The following PELI2 variants were observed in gnomAD, a reference collection of about 807,000 sequenced individuals.
The protein encoded by PELI2 is pellino E3 ubiquitin protein ligase family member 2.
PELI2 carries 23 observed loss-of-function variants against 42.3 expected under a neutral mutation model. That is an observed-to-expected ratio of 0.54 (90% confidence interval 0.39 to 0.77). The LOEUF (loss-of-function observed/expected upper bound fraction) is 0.77, where lower values mean the gene tolerates loss of function less well. Among genes scored for constraint, PELI2 ranks in the 30% least tolerant of loss-of-function variants. The pLI, the probability that PELI2 is intolerant of heterozygous loss-of-function variation, is 0.00. For missense variants in PELI2, 463 were observed against 553.2 expected (o/e 0.84, Z 1.64); for synonymous variants, 245 against 212.2 (o/e 1.15, Z -1.34).
chr14:56,287,189 G>A (rs1889672694), intron 3 of PELI2, among the ~76,000 whole-genome samples: 1 of 152,222 alleles, frequency 6.6e-6, no homozygotes, highest in African/African-American at 2.4e-5. Flanking sequence ...GGTTTGGTGA[G>A]ATGACTGGGA....
chr14:56,227,268 G>A (rs1887390169), intron 2 of PELI2, among the ~76,000 whole-genome samples: 1 of 152,160 alleles, frequency 6.6e-6, no homozygotes, highest in African/African-American at 2.4e-5. Flanking sequence ...GGGATGAGAT[G>A]GGGGTGTGTG....
At chr14:56,198,442 C>T (rs1886218862) in intron 2 of PELI2, among the ~76,000 whole-genome samples, 1 of 152,104 alleles carries the variant, frequency 6.6e-6, no homozygotes, top group Admixed American at 6.5e-5. Flanking sequence ...GAGGAGTGTG[C>T]CTAAGGCAGA....
At chr14:56,229,778 C>T (rs753372227) in intron 2 of PELI2, among the ~76,000 whole-genome samples, 4 of 152,124 alleles carry the variant, frequency 2.6e-5, no homozygotes, top group Non-Finnish European at 4.4e-5. Context: ...GGGCTTCAGA[C>T]GATCGGTAAT....
chr14:56,208,823 T>C (rs1001714033), intron 2 of PELI2, among the ~76,000 whole-genome samples: 3 of 152,218 alleles, frequency 2.0e-5, no homozygotes, highest in Non-Finnish European at 4.4e-5. Flanking sequence ...TAGAAAACCA[T>C]TTTTACCTAA....
intron 2 of PELI2, among the ~76,000 whole-genome samples, chr14:56,262,833 C>G (rs868771335): frequency 6.6e-6 from 1 of 152,162 alleles, no homozygotes. Context: ...ATCATATTCT[C>G]TACCAAATAC....
rs117068646 is a variant in PELI2, at chr14:56,288,107, G to A, written c.310-330G>A. On this transcript the variant is annotated intron_variant, in intron 3 of 5. Transcript: ENST00000267460. This position sits in a 1 kb window ranked among gnomAD's most constrained non-coding sequence, Gnocchi z 4.6. ...TGGCATAAAGTGAGTTAAGCAAGAT[G>A]AGTAAGTTCTAGAGAGTTGCTGTGC... Among the ~76,000 whole-genome samples the A allele has an allele frequency of 0.027, 4,146 of 152,304 alleles. 102 individuals carry two copies. Among genetic ancestry groups the A allele is most frequent in the Non-Finnish European group, 0.043 (2,914 of 68,026 alleles).
chr14:56,255,718 A>G (rs1888505105), intron 2 of PELI2, among the ~76,000 whole-genome samples: 1 of 152,174 alleles, frequency 6.6e-6, no homozygotes, highest in South Asian at 2.1e-4. Context: ...TGATGTACGT[A>G]GGGCCCACAG....
chr14:56,123,188 T>A (rs917355104), intron 1 of PELI2, among the ~76,000 whole-genome samples: 2 of 152,058 alleles, frequency 1.3e-5, no homozygotes, highest in Non-Finnish European at 2.9e-5. Flanking sequence ...TTTTTTTTTT[T>A]TTTAAAAGCA....
chr14:56,198,804 G>T (rs1886231468), intron 2 of PELI2, among the ~76,000 whole-genome samples: 1 of 151,784 alleles, frequency 6.6e-6, no homozygotes, highest in Non-Finnish European at 1.5e-5. Flanking sequence ...GTAGAGAGAG[G>T]GTATAAATGG....
At position 56,178,720 on chromosome 14, in the gene PELI2, C is replaced by T. The variant is rs376658000; in HGVS notation, c.207+256C>T. Among the ~76,000 whole-genome samples the T allele has an allele frequency of 1.4e-4, 21 of 152,324 alleles. 1 individual carries two copies. The highest frequency in any genetic ancestry group is 8.5e-4 in the Admixed American group (13 of 15,300). On this transcript the variant is annotated intron_variant, in intron 2 of 5. Transcript: ENST00000267460. The stretch of plus-strand genomic sequence containing the variant: ...CACAGTTGTTAATCACTAAAAATGT[C>T]TCAAGACATTGCAGCCCGTCTCCTG...
At chr14:56,135,310 A>C (rs1217821531) in intron 1 of PELI2, among the ~76,000 whole-genome samples, 1 of 152,176 alleles carries the variant, frequency 6.6e-6, no homozygotes, top group Non-Finnish European at 1.5e-5. Context: ...TGGCTTAATG[A>C]ATTTGTTCAT....
intron 2 of PELI2, among the ~76,000 whole-genome samples, chr14:56,183,565 G>T (rs956242460): frequency 6.6e-6 from 1 of 152,156 alleles, no homozygotes; most frequent in African/African-American, 2.4e-5. Flanking sequence ...TGGGTTTATG[G>T]TCCTGATCGT....
chr14:56,271,096 A>C (rs1477654851), intron 2 of PELI2, among the ~76,000 whole-genome samples: 13 of 152,136 alleles, frequency 8.5e-5, no homozygotes, highest in Admixed American at 5.2e-4. Context: ...GCCTCACGGG[A>C]TAATTAGTAC....
intron 2 of PELI2, among the ~76,000 whole-genome samples, chr14:56,247,850 C>T (rs1160209423): frequency 6.6e-6 from 1 of 152,114 alleles, no homozygotes; most frequent in African/African-American, 2.4e-5. Flanking sequence ...AGAAAGTAGT[C>T]ATTTAGTGAG....
intron 2 of PELI2, among the ~76,000 whole-genome samples, chr14:56,194,613 A>G (rs1246554661): frequency 6.6e-6 from 1 of 152,188 alleles, no homozygotes; most frequent in African/African-American, 2.4e-5. Context: ...TTTGAAGGTA[A>G]TGTGGAACCC....
chr14:56,296,816 A>C lies in PELI2; in HGVS notation c.913A>C (p.Lys305Gln), dbSNP rs747949932. The change falls in exon 6 of 6, where the codon AAG (lysine) becomes CAG (glutamine). Residue 305 changes from lysine to glutamine, a missense_variant. Transcript: ENST00000267460. ...CAACAGGAAAGAGGTGGTGGAGGAGAAGCAGCCCTGGGCATATCTCAGTTG... is the reference window on the plus strand; with the variant it reads ...CAACAGGAAAGAGGTGGTGGAGGAGCAGCAGCCCTGGGCATATCTCAGTTG... ...SINRKEVVEE[K>Q]QPWAYLSCGH... The C allele has an allele frequency of 5.6e-6, 9 of 1,613,998 alleles. No individual in the cohort carries two copies. The South Asian group carries it at 9.9e-5, about 18-fold the overall frequency.
At chr14:56,150,521 A>G (rs148400733) in intron 1 of PELI2, among the ~76,000 whole-genome samples, 93 of 152,132 alleles carry the variant, frequency 6.1e-4, no homozygotes, top group African/African-American at 2.0e-3. Context: ...GTAGTAGAGT[A>G]TTTATTTATT....
intron 2 of PELI2, among the ~76,000 whole-genome samples, chr14:56,204,242 C>G (rs911962040): frequency 1.3e-5 from 2 of 152,180 alleles, no homozygotes; most frequent in Non-Finnish European, 2.9e-5. Flanking sequence ...AGCTATTGTC[C>G]AGGCAAGGTG....
intron 1 of PELI2, among the ~76,000 whole-genome samples, chr14:56,172,534 G>T (rs554564041): frequency 6.6e-6 from 1 of 152,230 alleles, no homozygotes; most frequent in African/African-American, 2.4e-5. Flanking sequence ...TAGGAGAGCG[G>T]CTGGGAGACT....
Sources: allele counts gnomAD v4.1 joint callset (sites outside exome capture counted in the v4.1 genomes callset), GRCh38; gene constraint gnomAD v4.1.1; non-coding constraint Gnocchi (gnomAD v3.1); transcripts MANE v1.5; gene names NCBI Gene and HGNC (gene_info 2026-07-23, HGNC 2026-07-21).